The following GNA14 variants were observed in gnomAD, a reference collection of about 807,000 sequenced individuals.
GNA14 encodes the protein G protein subunit alpha 14, also known as guanine nucleotide-binding protein subunit alpha-14.
GNA14 carries 50 observed loss-of-function variants against 42.0 expected under a neutral mutation model. That is an observed-to-expected ratio of 1.19 (90% CI 0.95 to 1.51). The LOEUF (loss-of-function observed/expected upper bound fraction) is 1.51. GNA14 is among the 40% of genes most tolerant of loss of function. GNA14 has a pLI of 0.00. For missense variants in GNA14, 473 were observed against 446.2 expected (o/e 1.06, Z -0.54); for synonymous variants, 173 against 163.1 (o/e 1.06, Z -0.46).
intron 1 of GNA14, among the ~76,000 whole-genome samples, chr9:77,607,894 C>T (rs1168289414): frequency 6.6e-6 from 1 of 152,170 alleles, no homozygotes; most frequent in Non-Finnish European, 1.5e-5. Flanking sequence ...CCTGACCTCA[C>T]TTAACCCTAA....
chr9:77,484,220 G>A (rs1836615787), intron 2 of GNA14, among the ~76,000 whole-genome samples: 1 of 152,280 alleles, frequency 6.6e-6, no homozygotes, highest in Admixed American at 6.5e-5. Context: ...GGAGGATGAA[G>A]AGCTTAAAGT....
At chr9:77,510,037 G>T (rs1837134682) in intron 2 of GNA14, among the ~76,000 whole-genome samples, 1 of 152,050 alleles carries the variant, frequency 6.6e-6, no homozygotes, top group South Asian at 2.1e-4. Flanking sequence ...ATATTCACAG[G>T]GCTGTGCAAC....
At chr9:77,570,243 A>G (rs957669798) in intron 1 of GNA14, among the ~76,000 whole-genome samples, 1 of 152,208 alleles carries the variant, frequency 6.6e-6, no homozygotes, top group Non-Finnish European at 1.5e-5. Flanking sequence ...TCAACATACT[A>G]TCAAGTTTAC....
chr9:77,585,825 AAT>A (rs1449041587), intron 1 of GNA14, among the ~76,000 whole-genome samples: 2 of 152,230 alleles, frequency 1.3e-5, no homozygotes, highest in Non-Finnish European at 2.9e-5. Context: ...CCTCATTTAT[AAT>A]TCCAGAATTC....
intron 1 of GNA14, among the ~76,000 whole-genome samples, chr9:77,645,132 T>C (rs1824332788): frequency 6.6e-6 from 1 of 152,204 alleles, no homozygotes; most frequent in Non-Finnish European, 1.5e-5. Context: ...CCTCACATCA[T>C]TTTTTTGCAA....
chr9:77,494,957 A>G (rs1296660344), intron 2 of GNA14, among the ~76,000 whole-genome samples: 2 of 152,114 alleles, frequency 1.3e-5, no homozygotes, highest in East Asian at 3.9e-4. Context: ...GCACCACCAC[A>G]CTCAGCTAAT....
chr9:77,468,591 T>C (rs1158466917), intron 2 of GNA14, among the ~76,000 whole-genome samples: 1 of 152,244 alleles, frequency 6.6e-6, no homozygotes, highest in Non-Finnish European at 1.5e-5. Flanking sequence ...GGGACTATTA[T>C]CTTCCCCTGT....
At chr9:77,598,177 C>T (rs905476576) in intron 1 of GNA14, among the ~76,000 whole-genome samples, 1 of 152,258 alleles carries the variant, frequency 6.6e-6, no homozygotes, top group South Asian at 2.1e-4. Flanking sequence ...AGTTATGGGG[C>T]TGGGCAAAGA....
chr9:77,635,236 A>T (rs1824164466), intron 1 of GNA14: 2 of 152,148 alleles, frequency 1.3e-5, no homozygotes, highest in African/African-American at 4.8e-5. Flanking sequence ...TCTGCATGTC[A>T]TCCTTGCATA....
intron 2 of GNA14, among the ~76,000 whole-genome samples, chr9:77,485,892 T>G (rs919207503): frequency 1.3e-5 from 2 of 152,188 alleles, no homozygotes; most frequent in Non-Finnish European, 2.9e-5. Context: ...TGTTGTTCCA[T>G]TTATAGAGCA....
intron 2 of GNA14, among the ~76,000 whole-genome samples, chr9:77,461,668 T>C (rs1213307701): frequency 6.6e-6 from 1 of 152,194 alleles, no homozygotes; most frequent in African/African-American, 2.4e-5. Flanking sequence ...TATAGCTTTA[T>C]ACTCACTTTT....
intron 2 of GNA14, among the ~76,000 whole-genome samples, chr9:77,461,849 A>C (rs994355149): frequency 3.4e-4 from 52 of 152,276 alleles, no homozygotes; most frequent in African/African-American, 1.2e-3. Flanking sequence ...AAGAACATAT[A>C]TATTGTGTGC....
chr9:77,546,036 C>T (rs533138488), intron 1 of GNA14, among the ~76,000 whole-genome samples: 1 of 151,814 alleles, frequency 6.6e-6, no homozygotes, highest in East Asian at 1.9e-4. Flanking sequence ...GCCAACACAG[C>T]GAAACCCCGT....
At chr9:77,510,030 T>C (rs1209749712) in intron 2 of GNA14, among the ~76,000 whole-genome samples, 1 of 152,216 alleles carries the variant, frequency 6.6e-6, no homozygotes, top group Non-Finnish European at 1.5e-5. Flanking sequence ...TTTTAGTATA[T>C]TCACAGGGCT....
At chr9:77,567,475 A>C (rs920488371) in intron 1 of GNA14, among the ~76,000 whole-genome samples, 6 of 152,228 alleles carry the variant, frequency 3.9e-5, no homozygotes, top group African/African-American at 1.4e-4. Flanking sequence ...AGCAGGCAAA[A>C]TAAGATGAGA....
At chr9:77,439,376 C>T (rs768004617) in intron 2 of GNA14, among the ~76,000 whole-genome samples, 4 of 152,318 alleles carry the variant, frequency 2.6e-5, no homozygotes, top group South Asian at 2.1e-4. Flanking sequence ...CAGTGGCTCA[C>T]GCCTGTTTTC....
intron 1 of GNA14, among the ~76,000 whole-genome samples, chr9:77,547,140 A>C (rs1032117108): frequency 3.3e-5 from 5 of 152,190 alleles, no homozygotes; most frequent in Admixed American, 6.5e-5. Flanking sequence ...TGTGTTTCTT[A>C]CATTGGGAGG....
chr9:77,576,126 A>T (rs1823124934), intron 1 of GNA14, among the ~76,000 whole-genome samples: 3 of 152,338 alleles, frequency 2.0e-5, no homozygotes, highest in Non-Finnish European at 4.4e-5. Context: ...TATACTGCTA[A>T]TCATAGAACT....
At chr9:77,580,424 G>C in intron 1 of GNA14, 1 of 309,658 alleles carries the variant, frequency 3.2e-6, no homozygotes, top group Non-Finnish European at 6.8e-6. Context: ...CTAGCCTTCT[G>C]TTCCAGAAAA....
Sources: gnomAD v4.1 joint callset for allele counts (sites outside exome capture counted in the v4.1 genomes callset) on GRCh38, gnomAD v4.1.1 for gene constraint, MANE v1.5 for transcripts, NCBI Gene and HGNC (gene_info 2026-07-23, HGNC 2026-07-21) for gene names.